Variants in LDAF1 observed in about 807,000 individuals in gnomAD.
The protein encoded by LDAF1 is lipid droplet assembly factor 1.
A neutral mutation model predicts 13.5 loss-of-function variants in LDAF1; 7 were observed. The ratio of observed to expected loss-of-function variants is 0.52; its 90% confidence interval spans 0.29 to 0.97. The LOEUF (loss-of-function observed/expected upper bound fraction) is 0.97. Among genes scored for constraint, LDAF1 ranks in the 50% least tolerant of loss-of-function variants. The pLI is 0.07. For missense variants in LDAF1, 148 were observed against 193.2 expected (o/e 0.77, Z 1.39); for synonymous variants, 69 against 77.1 (o/e 0.89, Z 0.55).
Position 21,161,222 on chromosome 16 carries a change from C to G in LDAF1, c.40C>G (p.Gln14Glu), listed in dbSNP as rs748267264. Residue 14 changes from glutamine to glutamate, a missense_variant, in exon 2 of 5, where the codon CAG (glutamine) becomes GAG (glutamate). Coordinates refer to ENST00000233047, the MANE Select transcript of LDAF1 (RefSeq NM_001301771.2). ...EEPQSISRDL[Q>E]ELQKKLSLLI... Reference sequence around the variant, plus strand: ...GCCCCAGAGTATCTCAAGGGACTTGCAGGAACTGCAGAAGAAGCTGTCTCT... The same window carrying G: ...GCCCCAGAGTATCTCAAGGGACTTGGAGGAACTGCAGAAGAAGCTGTCTCT... The G allele has an allele frequency of 1.9e-6, 3 of 1,614,112 alleles. No homozygotes were observed. The East Asian group carries it at 6.7e-5, about 36-fold the overall frequency.
intron 2 of LDAF1, chr16:21,166,910 A>C: frequency 6.5e-7 from 1 of 1,535,576 alleles, no homozygotes; most frequent in Non-Finnish European, 8.7e-7. Flanking sequence ...GCTGGCTCCA[A>C]GGTGATTCCT....
rs1267380976 is a variant in LDAF1, at chr16:21,164,237, T to A, written c.96+2959T>A. Among the ~76,000 whole-genome samples the A allele has an allele frequency of 3.3e-5, 5 of 152,140 alleles. No homozygotes were observed. In the East Asian group the frequency reaches 7.7e-4, roughly 23 times the overall value. On this transcript the variant is annotated intron_variant, in intron 2 of 4. Transcript: ENST00000233047. ...CTCACTGAATTTCCATCTCCTTTTT[T>A]AAAATTTTTTATTTATTTTTTATTG...
Position 21,166,391 on chromosome 16 carries a change from GAAA to G in LDAF1, c.97-4045_97-4043del, listed in dbSNP as rs1375980243. Among the ~76,000 whole-genome samples the G allele has an allele frequency of 2.6e-5, 4 of 152,162 alleles. No individual in the cohort carries two copies. The East Asian group carries it at 7.7e-4, about 29-fold the overall frequency. ...ATAGATTCACATACCCAACCTATTG[GAAA>G]CATACTTAAAATTTTTCCAACAACT... On this transcript the variant is annotated intron_variant, in intron 2 of 4. Transcript: ENST00000233047.
At chr16:21,168,311 G>T (rs1489240674) in intron 2 of LDAF1, among the ~76,000 whole-genome samples, 1 of 151,886 alleles carries the variant, frequency 6.6e-6, no homozygotes, top group Non-Finnish European at 1.5e-5. Flanking sequence ...CACCATGCTG[G>T]CCAGGCCTTA....
In LDAF1 at chr16:21,164,450, T is replaced by C. The variant is rs377027266; in HGVS notation, c.96+3172T>C. On this transcript the variant is annotated intron_variant, in intron 2 of 4. Coordinates refer to ENST00000233047, the MANE Select transcript of LDAF1 (RefSeq NM_001301771.2). The stretch of plus-strand genomic sequence containing the variant: ...TTTTTGGAGAGACAGCATCTTTCAC[T>C]GTGTTGCCCAGGCTGGTCTCAAACT... 9.2e-5 allele frequency among the ~76,000 whole-genome samples: 14 copies of C among 152,138 alleles called. No homozygotes were observed. In the East Asian group the frequency reaches 2.1e-3, roughly 23 times the overall value.
At chr16:21,166,994 A>G in intron 2 of LDAF1, 1 of 1,340,758 alleles carries the variant, frequency 7.5e-7, no homozygotes. Context: ...GTGGGGTAGC[A>G]GGAGGCAGTG....
At chr16:21,168,017 AAAG>A (rs968800954) in intron 2 of LDAF1, among the ~76,000 whole-genome samples, 13 of 149,938 alleles carry the variant, frequency 8.7e-5, no homozygotes, top group African/African-American at 2.9e-4. Context: ...AAAAAAAAAA[AAAG>A]AAAGAAAGAA....
intron 2 of LDAF1, 62 bp downstream of exon 2, chr16:21,161,340 A>G: frequency 4.5e-6 from 7 of 1,563,046 alleles, no homozygotes; most frequent in Non-Finnish European, 6.1e-6. Flanking sequence ...TAAACAAGAT[A>G]GAAAGTTATT....
chr16:21,180,348 T>A lies in LDAF1; in HGVS notation c.*792T>A, dbSNP rs2093171752. 6.7e-6 allele frequency: 1 copy of A among 148,466 alleles called. No homozygotes were observed. The highest frequency in any genetic ancestry group is 6.9e-5 in the Admixed American group (1 of 14,500). The allele number at this position is 148,466 out of a possible 1,614,324, so 9.2% of individuals were successfully genotyped here. On this transcript the variant is annotated 3_prime_UTR_variant, in exon 5 of 5. Transcript: ENST00000233047. ...CCCAGGTTCAAGTGAGTCTCGTGCCTCAGCCTCCCAAGTAGCTGGGATTAC... is the reference window on the plus strand; with the variant it reads ...CCCAGGTTCAAGTGAGTCTCGTGCCACAGCCTCCCAAGTAGCTGGGATTAC...
At chr16:21,178,363 C>A in intron 4 of LDAF1, 2 of 985,320 alleles carry the variant, frequency 2.0e-6, no homozygotes, top group Non-Finnish European at 2.4e-6. Context: ...TACATCTTTA[C>A]TAAGAAAAGG....
intron 2 of LDAF1, among the ~76,000 whole-genome samples, chr16:21,167,789 CT>C (rs1425788611): frequency 7.3e-6 from 1 of 136,480 alleles, no homozygotes; most frequent in Non-Finnish European, 1.5e-5. Flanking sequence ...GGTGGATCGC[CT>C]GAGGTCAGGA....
At chr16:21,176,454 G>C (rs1454706571) in intron 4 of LDAF1, among the ~76,000 whole-genome samples, 1 of 152,082 alleles carries the variant, frequency 6.6e-6, no homozygotes, top group Non-Finnish European at 1.5e-5. Context: ...ACCAACCTAG[G>C]CAACATGGCA....
chr16:21,171,076 A>G (rs755677006), intron 3 of LDAF1, among the ~76,000 whole-genome samples: 90 of 152,332 alleles, frequency 5.9e-4, no homozygotes, highest in Non-Finnish European at 1.0e-3. Context: ...AATGAATGCT[A>G]GCTATTATTA....
chr16:21,159,757 G>A, intron 1 of LDAF1: 1 of 212,136 alleles, frequency 4.7e-6, no homozygotes, highest in Non-Finnish European at 8.1e-6. Flanking sequence ...GATGGCATTC[G>A]CCCCACGCAC....
intron 4 of LDAF1, among the ~76,000 whole-genome samples, chr16:21,175,913 T>C (rs923252961): frequency 1.3e-5 from 2 of 152,228 alleles, no homozygotes; most frequent in Non-Finnish European, 2.9e-5. Flanking sequence ...TGTTTGTTCA[T>C]TTGTATTTTA....
chr16:21,174,783 G>T (rs1445470603), intron 4 of LDAF1, among the ~76,000 whole-genome samples: 3 of 152,082 alleles, frequency 2.0e-5, no homozygotes, highest in African/African-American at 7.2e-5. Context: ...CTTTGGCGGG[G>T]TGGGGCAGAG....
In LDAF1 at chr16:21,161,405, G is replaced by A. The variant is rs944491080; in HGVS notation, c.96+127G>A. ...AAGTCAAGAATCTTTCTGGCTTACC[G>A]CCCTGCCATGTCTATGCTGTGACCT... On this transcript the variant is annotated intron_variant, in intron 2 of 4. Transcript: ENST00000233047. The A allele has an allele frequency of 4.7e-5, 53 of 1,138,426 alleles. No homozygotes were observed. In the Middle Eastern group the frequency reaches 1.2e-3, roughly 25 times the overall value. 70.5% of individuals were successfully genotyped at this position (1,138,426 alleles called of 1,614,324 possible).
intron 1 of LDAF1, 80 bp from the exon 2 acceptor site, chr16:21,161,005 C>T: frequency 7.4e-7 from 1 of 1,357,810 alleles, no homozygotes; most frequent in Non-Finnish European, 9.4e-7. Context: ...TGCCCACCAT[C>T]AAGGTATGAG....
At position 21,165,163 on chromosome 16, in the gene LDAF1, G is replaced by A. The variant is rs140721112; in HGVS notation, c.96+3885G>A. 5.8e-3 allele frequency among the ~76,000 whole-genome samples: 886 copies of A among 152,226 alleles called. 15 individuals carry two copies. The highest frequency in any genetic ancestry group is 0.02 in the African/African-American group (843 of 41,536). ...CTCTTTGATTATAGAGCCCAGACTC[G>A]GAAAAGACTAAGAATGGCGGGGCAT... On this transcript the variant is annotated intron_variant, in intron 2 of 4. Coordinates refer to ENST00000233047, the MANE Select transcript of LDAF1 (RefSeq NM_001301771.2).
Sources: gnomAD v4.1 joint callset for allele counts (sites outside exome capture counted in the v4.1 genomes callset) on GRCh38, gnomAD v4.1.1 for gene constraint, MANE v1.5 for transcripts, NCBI Gene and HGNC (gene_info 2026-07-23, HGNC 2026-07-21) for gene names.